The following AGO2 variants were observed in gnomAD, a reference collection of about 807,000 sequenced individuals.
AGO2 encodes the protein protein argonaute-2.
A neutral mutation model predicts 102.3 loss-of-function variants in AGO2; 5 were observed. The ratio of observed to expected loss-of-function variants is 0.05; its 90% CI spans 0.03 to 0.10. The LOEUF (loss-of-function observed/expected upper bound fraction) is 0.10, where lower values mean the gene tolerates loss of function less well. AGO2 is among the 10% of genes least tolerant of loss of function. AGO2 has a pLI of 1.00. For missense variants in AGO2, 541 were observed against 1,183.7 expected (o/e 0.46, Z 7.97); for synonymous variants, 449 against 473.1 (o/e 0.95, Z 0.66).
intron 6 of AGO2, 54 bp from the exon 7 acceptor site, chr8:140,558,626 G>A (rs2292776): frequency 0.55 from 867,078 of 1,568,218 alleles, 244,161 homozygotes; most frequent in African/African-American, 0.83. Context: ...CCTGAGTGCA[G>A]GCGCCACTTG....
chr8:140,624,379 C>T (rs768185539), intron 1 of AGO2, among the ~76,000 whole-genome samples: 34 of 152,368 alleles, frequency 2.2e-4, no homozygotes, highest in Non-Finnish European at 3.2e-4. Context: ...AGCCGGCGTG[C>T]GTGGCAGTGA....
intron 1 of AGO2, among the ~76,000 whole-genome samples, chr8:140,624,948 G>A (rs964718830): frequency 2.6e-5 from 4 of 152,152 alleles, no homozygotes; most frequent in Non-Finnish European, 4.4e-5. Flanking sequence ...TCCTTCCAAC[G>A]GCCCCCTTGC....
At chr8:140,610,028 TAAAAAAAAAAAAAA>T (rs55637374) in intron 1 of AGO2, among the ~76,000 whole-genome samples, 2 of 126,550 alleles carry the variant, frequency 1.6e-5, no homozygotes, top group African/African-American at 5.7e-5. Flanking sequence ...ACCTTGACTC[TAAAAAAAAAAAAAA>T]AAAAAAAAAA....
At chr8:140,551,634 A>AGATGGGTGGGTGGACGGTT in intron 10 of AGO2, among the ~76,000 whole-genome samples, 198 bp from the exon 11 acceptor site, 1 of 66,948 alleles carries the variant, frequency 1.5e-5, no homozygotes, top group East Asian at 5.9e-4. Flanking sequence ...GGCTGGTGGA[A>AGATGGGTGGGTGGACGGTT]GATGGGTGGG....
intron 3 of AGO2, among the ~76,000 whole-genome samples, chr8:140,563,853 C>T (rs1000003326): frequency 2.0e-5 from 3 of 152,174 alleles, no homozygotes; most frequent in South Asian, 4.1e-4. Context: ...ATGCCCATGC[C>T]CAGCTCCCAT....
intron 14 of AGO2, among the ~76,000 whole-genome samples, chr8:140,542,315 T>G (rs2072815050): frequency 6.6e-6 from 1 of 152,212 alleles, no homozygotes. Flanking sequence ...AGGAACTGCT[T>G]CTTGGCAATC....
intron 1 of AGO2, among the ~76,000 whole-genome samples, chr8:140,611,589 A>T (rs2074079528): frequency 6.6e-6 from 1 of 152,062 alleles, no homozygotes; most frequent in African/African-American, 2.4e-5. Context: ...CGGCCTCCCA[A>T]AGTGCTGGGA....
In AGO2 at chr8:140,521,131, C is replaced by A. The variant is rs1468710621; in HGVS notation, c.*10913G>T. The A allele has an allele frequency of 6.6e-6, 1 of 152,136 alleles. No homozygotes were observed. The highest frequency in any genetic ancestry group is 2.4e-5 in the African/African-American group (1 of 41,402). The allele number at this position is 152,136 out of a possible 1,614,324, so 9.4% of individuals were successfully genotyped here. A position where few individuals can be genotyped will look rare whatever the true frequency, so the allele number is the denominator to read the frequency against. On this transcript the variant is annotated 3_prime_UTR_variant, in exon 19 of 19. Transcript: ENST00000220592. ...TGAGGTACCTATATAAATTTAATCA[C>A]CTGCCCCAAAGTCCTCTCGTTAGGT... is the stretch of plus-strand genomic sequence containing the variant.
chr8:140,636,334 T>G (rs1261020584), upstream of AGO2: 1 of 152,286 alleles, frequency 6.6e-6, no homozygotes, highest in Admixed American at 6.5e-5. Flanking sequence ...GACACGCCCA[T>G]TCCAGCAGTC....
chr8:140,588,131 C>T (rs1275562883), intron 1 of AGO2, among the ~76,000 whole-genome samples: 2 of 152,214 alleles, frequency 1.3e-5, no homozygotes, highest in Non-Finnish European at 2.9e-5. Context: ...ACAGGTGGCA[C>T]GCCCTGCCAC....
rs117404731 is a variant in AGO2, at chr8:140,619,533, G to A, written c.22+15952C>T. On this transcript the variant is annotated intron_variant, in intron 1 of 18. Coordinates refer to ENST00000220592, the MANE Select transcript of AGO2 (RefSeq NM_012154.5). ...GGCAGGCCAGAGGCTTAAGGAAGCCGCGGGAGGCCTGAGGCAAAGGCCGCT... is the reference window on the plus strand; with the variant it reads ...GGCAGGCCAGAGGCTTAAGGAAGCCACGGGAGGCCTGAGGCAAAGGCCGCT... Among the ~76,000 whole-genome samples, 1,337 of 152,316 alleles carry A rather than the reference G, an allele frequency of 8.8e-3. 10 individuals carry two copies. The highest frequency in any genetic ancestry group is 0.041 in the South Asian group (200 of 4,828).
At chr8:140,624,040 C>T (rs986722817) in intron 1 of AGO2, among the ~76,000 whole-genome samples, 7 of 152,208 alleles carry the variant, frequency 4.6e-5, no homozygotes, top group South Asian at 4.1e-4. Flanking sequence ...GCGAGATGCA[C>T]GGGGAGCCAG....
chr8:140,638,851 C>T (rs984902490), upstream of AGO2, among the ~76,000 whole-genome samples: 2 of 152,188 alleles, frequency 1.3e-5, no homozygotes, highest in Non-Finnish European at 2.9e-5. Context: ...GCTGGGATTA[C>T]AGGCATGAGC....
At chr8:140,628,690 G>A (rs752042830) in intron 1 of AGO2, among the ~76,000 whole-genome samples, 2 of 151,958 alleles carry the variant, frequency 1.3e-5, no homozygotes, top group African/African-American at 2.4e-5. Context: ...GTTTGAACCC[G>A]TGAAGTCAGG....
At chr8:140,597,782 T>G (rs1438041028) in intron 1 of AGO2, among the ~76,000 whole-genome samples, 4 of 152,172 alleles carry the variant, frequency 2.6e-5, no homozygotes, top group Admixed American at 2.6e-4. Context: ...TTTCTGCCTG[T>G]CTTGAAAAGA....
chr8:140,560,746 C>T (rs537235506), intron 4 of AGO2, among the ~76,000 whole-genome samples: 2 of 152,240 alleles, frequency 1.3e-5, no homozygotes, highest in African/African-American at 4.8e-5. Flanking sequence ...TGGTGAAAGA[C>T]GTTTAAAGAC....
chr8:140,537,043 A>G (rs1457100964), intron 16 of AGO2, among the ~76,000 whole-genome samples: 2 of 152,176 alleles, frequency 1.3e-5, no homozygotes, highest in Non-Finnish European at 2.9e-5. Flanking sequence ...TGTGATTTCT[A>G]TTCTTGTTAC....
At chr8:140,551,680 G>GGGTGGATGGTTGATGGGTC (rs2072999752) in intron 10 of AGO2, among the ~76,000 whole-genome samples, 2 of 151,452 alleles carry the variant, frequency 1.3e-5, no homozygotes, top group Non-Finnish European at 2.9e-5. Flanking sequence ...GTTGATGGGT[G>GGGTGGATGGTTGATGGGTC]GGTGGATGGT....
At chr8:140,582,900 T>A (rs150533218) in intron 2 of AGO2, among the ~76,000 whole-genome samples, 1 of 152,216 alleles carries the variant, frequency 6.6e-6, no homozygotes, top group Non-Finnish European at 1.5e-5. Context: ...ATGATGCTGA[T>A]TTTTAGGTGC....
Sources: allele counts gnomAD v4.1 joint callset (sites outside exome capture counted in the v4.1 genomes callset), GRCh38; gene constraint gnomAD v4.1.1; transcripts MANE v1.5; gene names NCBI Gene and HGNC (gene_info 2026-07-23, HGNC 2026-07-21).